Variants in TNKS observed in about 807,000 individuals in gnomAD.
The protein encoded by TNKS is poly [ADP-ribose] polymerase tankyrase-1.
TNKS carries 72 observed loss-of-function variants against 135.8 expected under a neutral mutation model. The ratio of observed to expected loss-of-function variants is 0.53; its 90% CI spans 0.44 to 0.64. The LOEUF (loss-of-function observed/expected upper bound fraction) is 0.64, where lower values mean the gene tolerates loss of function less well. Ranked by LOEUF, TNKS falls within the 30% of genes least tolerant of loss-of-function variation. The pLI is 0.00. For synonymous variants in TNKS, 849 were observed against 649.3 expected, an observed-to-expected ratio of 1.31 and a Z score of -4.68; for missense variants, 1,769 against 1,674.0, an observed-to-expected ratio of 1.06 and a Z score of -0.99.
At chr8:9,674,189 G>A in intron 3 of TNKS, among the ~76,000 whole-genome samples, 1 of 152,152 alleles carries the variant, frequency 6.6e-6, no homozygotes, top group Admixed American at 6.5e-5. Flanking sequence ...ATACAGGATG[G>A]AAGTTTAAGA....
At chr8:9,774,008 A>AT (rs1237497877) in intron 26 of TNKS, among the ~76,000 whole-genome samples, 1 of 152,144 alleles carries the variant, frequency 6.6e-6, no homozygotes, top group Non-Finnish European at 1.5e-5. Context: ...ATTGAGGATG[A>AT]TTTGAGTAGT....
intron 23 of TNKS, 91 bp from the exon 24 acceptor site, chr8:9,765,601 T>A (rs954416416): frequency 9.4e-7 from 1 of 1,069,476 alleles, no homozygotes; most frequent in African/African-American, 1.6e-5. Flanking sequence ...AAAATAAAAA[T>A]TGAACCTTCC....
At chr8:9,710,470 A>G (rs1395859425) in intron 11 of TNKS, 1 of 570,638 alleles carries the variant, frequency 1.8e-6, no homozygotes, top group African/African-American at 1.9e-5. Context: ...TAGTCATTTG[A>G]AATAGATTTC....
chr8:9,622,597 C>T (rs191975187), intron 3 of TNKS, among the ~76,000 whole-genome samples: 21 of 152,144 alleles, frequency 1.4e-4, no homozygotes, highest in Non-Finnish European at 2.9e-4. Flanking sequence ...GACTTTTTAC[C>T]TGTTTGTTCA....
rs190310339 is a variant in TNKS at position 9,710,249 on chromosome 8, G to C, written c.1749+29G>C. 6.8e-4 allele frequency: 1,090 copies of C among 1,606,934 alleles called. 2 individuals are homozygous for C. Among genetic ancestry groups the C allele is most frequent in the Admixed American group, 1.7e-3 (104 of 60,022 alleles). On this transcript the variant is annotated intron_variant, in intron 11 of 26. Coordinates refer to ENST00000310430, the MANE Select transcript of TNKS (RefSeq NM_003747.3). ...AGGCACACACCTGAGCAGAGTGCCA[G>C]ACTCAGCACTGAGCAGCCAGCTGCT... is the stretch of plus-strand genomic sequence containing the variant.
intron 5 of TNKS, among the ~76,000 whole-genome samples, chr8:9,691,576 C>T (rs1216486750): frequency 6.6e-6 from 1 of 152,190 alleles, no homozygotes; most frequent in East Asian, 1.9e-4. Context: ...CTGGATTTGA[C>T]TCCTGACTCT....
intron 3 of TNKS, among the ~76,000 whole-genome samples, chr8:9,641,682 GAC>G: frequency 6.9e-6 from 1 of 144,050 alleles, no homozygotes; most frequent in East Asian, 2.1e-4. Flanking sequence ...GAGGAATAGA[GAC>G]ACACAGAGAC....
chr8:9,702,883 G>T (rs946042113), intron 5 of TNKS, among the ~76,000 whole-genome samples: 10 of 152,200 alleles, frequency 6.6e-5, no homozygotes, highest in African/African-American at 2.4e-4. Flanking sequence ...GGGTATGGTG[G>T]TGCGCGCCTG....
intron 5 of TNKS, among the ~76,000 whole-genome samples, chr8:9,703,625 A>G (rs867565486): frequency 6.6e-6 from 1 of 152,218 alleles, no homozygotes; most frequent in Non-Finnish European, 1.5e-5. Context: ...TGTAAAATGT[A>G]TGAAATATCT....
chr8:9,618,956 C>G (rs1799756372), intron 3 of TNKS, among the ~76,000 whole-genome samples: 1 of 152,196 alleles, frequency 6.6e-6, no homozygotes, highest in Non-Finnish European at 1.5e-5. Flanking sequence ...TACTTTTCTA[C>G]AACCTGAGTT....
chr8:9,722,878 A>G (rs921124708), intron 12 of TNKS, among the ~76,000 whole-genome samples: 5 of 152,182 alleles, frequency 3.3e-5, no homozygotes, highest in African/African-American at 1.2e-4. Flanking sequence ...CAAGCATATC[A>G]GATCCATATA....
Position 9,782,186 on chromosome 8 carries a change from C to A in TNKS, c.*5450C>A, listed in dbSNP as rs191674330. The A allele has an allele frequency of 6.5e-6, 1 of 152,732 alleles. No homozygotes were observed. The highest frequency in any genetic ancestry group is 1.9e-4 in the East Asian group (1 of 5,168). The allele number at this position is 152,732 out of a possible 1,614,324, so 9.5% of individuals were successfully genotyped here. The stretch of plus-strand genomic sequence containing the variant: ...GTCCTTTTTCCCTCACCCTCCACTT[C>A]TTTCCAAAGGAGGGCATCAAGGAAC... On this transcript the variant is annotated 3_prime_UTR_variant, in exon 27 of 27. Coordinates refer to ENST00000310430, the MANE Select transcript of TNKS (RefSeq NM_003747.3).
At chr8:9,763,356 A>AGTCT (rs1355566392) in intron 22 of TNKS, 112 bp downstream of exon 22, 6 of 606,000 alleles carry the variant, frequency 9.9e-6, no homozygotes, top group African/African-American at 1.9e-5. Flanking sequence ...CCTATTAATC[A>AGTCT]GTCTGTCTTA....
At chr8:9,727,639 T>C (rs1805229622) in intron 13 of TNKS, among the ~76,000 whole-genome samples, 1 of 152,246 alleles carries the variant, frequency 6.6e-6, no homozygotes, top group Non-Finnish European at 1.5e-5. Context: ...CAGTACTTTT[T>C]ACGACATACT....
chr8:9,608,125 A>C (rs1200714440), intron 2 of TNKS, among the ~76,000 whole-genome samples: 1 of 151,912 alleles, frequency 6.6e-6, no homozygotes, highest in African/African-American at 2.4e-5. Context: ...ACTTTTTGAA[A>C]AGTCCAGGTC....
At chr8:9,563,852 A>G (rs1335505085) in intron 1 of TNKS, among the ~76,000 whole-genome samples, 1 of 152,108 alleles carries the variant, frequency 6.6e-6, no homozygotes, top group Non-Finnish European at 1.5e-5. Flanking sequence ...AGAATTTTGT[A>G]TGTATTTGAC....
intron 3 of TNKS, among the ~76,000 whole-genome samples, chr8:9,647,601 C>G (rs1382630725): frequency 6.6e-6 from 1 of 152,162 alleles, no homozygotes; most frequent in African/African-American, 2.4e-5. Flanking sequence ...CTGCAGAGAA[C>G]TAATTGCTTC....
At chr8:9,687,666 T>A (rs1005127187) in intron 5 of TNKS, among the ~76,000 whole-genome samples, 5 of 152,130 alleles carry the variant, frequency 3.3e-5, no homozygotes, top group African/African-American at 1.2e-4. Context: ...ATGATAAAAC[T>A]TAGTTGTCCA....
Position 9,646,953 on chromosome 8 carries a change from T to G in TNKS, c.994+31276T>G, listed in dbSNP as rs550032338. Among the ~76,000 whole-genome samples the G allele has an allele frequency of 3.1e-4, 47 of 152,276 alleles. 1 individual carries two copies. The South Asian group carries it at 8.5e-3, about 28-fold the overall frequency. ...TAGAAAAAGAAAAATTTGGGAAATT[T>G]TATATCCCTTAGTAGATGATGGCAG... On this transcript the variant is annotated intron_variant, in intron 3 of 26. Transcript: ENST00000310430.
Sources: gnomAD v4.1 joint callset for allele counts (sites outside exome capture counted in the v4.1 genomes callset) on GRCh38, gnomAD v4.1.1 for gene constraint, MANE v1.5 for transcripts, NCBI Gene and HGNC (gene_info 2026-07-23, HGNC 2026-07-21) for gene names.